The following PKHD1 variants were observed in gnomAD, a reference collection of about 807,000 sequenced individuals.
PKHD1 encodes the protein PKHD1 ciliary IPT domain containing fibrocystin/polyductin, also known as fibrocystin.
Under a neutral mutation model 412.0 loss-of-function variants are expected in PKHD1, and 291 were observed. That is an observed-to-expected ratio of 0.71 (90% CI 0.64 to 0.78). PKHD1 has a LOEUF of 0.78. PKHD1 is among the 30% of genes least tolerant of loss of function. PKHD1 has a pLI of 0.00. For missense variants in PKHD1, 4,825 were observed against 4,950.7 expected (o/e 0.97, Z 0.76); for synonymous variants, 1,777 against 1,821.5 (o/e 0.98, Z 0.62).
chr6:52,028,647 G>A (rs1289154511), intron 29 of PKHD1, among the ~76,000 whole-genome samples: 1 of 151,982 alleles, frequency 6.6e-6, no homozygotes, highest in African/African-American at 2.4e-5. Flanking sequence ...AAGCAGCTGG[G>A]ATTACAGGCA....
At chr6:52,048,462 G>A in intron 23 of PKHD1, 30 bp downstream of exon 23, 3 of 1,611,020 alleles carry the variant, frequency 1.9e-6, no homozygotes, top group African/African-American at 1.3e-5. Flanking sequence ...ATGTGAGTGA[G>A]AATTGTTGCA....
chr6:51,616,687 T>C lies in PKHD1; in HGVS notation c.*2394A>G, dbSNP rs1350102149. The C allele has an allele frequency of 5.0e-6, 2 of 398,346 alleles. No homozygotes were observed. The highest frequency in any genetic ancestry group is 4.1e-5 in the African/African-American group (2 of 48,626). 24.7% of individuals were successfully genotyped at this position (398,346 alleles called of 1,614,324 possible). On this transcript the variant is annotated 3_prime_UTR_variant, in exon 67 of 67. Coordinates refer to ENST00000371117, the MANE Select transcript of PKHD1 (RefSeq NM_138694.4). ...AAAGAGTCAATTCTGGCCTCAGGGA[T>C]CACAGGCTTTTCTGGGATGGAATTA...
intron 63 of PKHD1, among the ~76,000 whole-genome samples, chr6:51,639,522 T>C (rs1769062211): frequency 6.6e-6 from 1 of 152,092 alleles, no homozygotes. Context: ...TAATGACTGA[T>C]AGAGCTACTC....
intron 60 of PKHD1, among the ~76,000 whole-genome samples, chr6:51,661,306 TAGAA>T (rs939918560): frequency 6.6e-6 from 1 of 152,028 alleles, no homozygotes; most frequent in Non-Finnish European, 1.5e-5. Context: ...GATATAGATA[TAGAA>T]AGAATCTCAC....
At chr6:51,982,849 A>AAT (rs1795687980) in intron 35 of PKHD1, among the ~76,000 whole-genome samples, 1 of 134,706 alleles carries the variant, frequency 7.4e-6, no homozygotes, top group Non-Finnish European at 1.6e-5. Flanking sequence ...AAAAAAATAA[A>AAT]AAAATAAAAA....
At position 51,667,124 on chromosome 6, in the gene PKHD1, AC is replaced by A. The variant is rs1436462716; in HGVS notation, c.10157-7156del. Among the ~76,000 whole-genome samples the A allele has an allele frequency of 2.4e-4, 36 of 147,154 alleles. No homozygotes were observed. The Admixed American group carries it at 2.4e-3, about 10-fold the overall frequency. ...AGATCCCTGAGGAATCGCCACACTG[AC>A]TTCCACAATGGTTGAACTAGTTTAC... On this transcript the variant is annotated intron_variant, in intron 60 of 66. Coordinates refer to ENST00000371117, the MANE Select transcript of PKHD1 (RefSeq NM_138694.4).
At chr6:52,053,011 C>A in intron 21 of PKHD1, 65 bp downstream of exon 21, 1 of 1,481,636 alleles carries the variant, frequency 6.7e-7, no homozygotes, top group Non-Finnish European at 9.4e-7. Context: ...AACAGTAACC[C>A]CTAGCAGGAA....
chr6:51,998,700 T>G (rs1273708405), intron 35 of PKHD1, among the ~76,000 whole-genome samples: 1 of 152,172 alleles, frequency 6.6e-6, no homozygotes, highest in East Asian at 1.9e-4. Context: ...CTTTTTTTAA[T>G]GTATATACCC....
intron 60 of PKHD1, chr6:51,721,323 T>C (rs1781898500): frequency 4.1e-6 from 3 of 730,014 alleles, no homozygotes; most frequent in African/African-American, 3.8e-5. Flanking sequence ...TAACCCACTA[T>C]TATTGGTATA....
chr6:51,950,389 G>C (rs1027792580), intron 36 of PKHD1, among the ~76,000 whole-genome samples: 2 of 151,990 alleles, frequency 1.3e-5, no homozygotes, highest in African/African-American at 2.4e-5. Flanking sequence ...GGCCAGCCAA[G>C]TTTCCACTGT....
At chr6:51,682,728 T>G (rs930899450) in intron 60 of PKHD1, among the ~76,000 whole-genome samples, 7 of 151,992 alleles carry the variant, frequency 4.6e-5, no homozygotes, top group African/African-American at 1.7e-4. Context: ...GTGTCAGCTA[T>G]AGAAGGGAAA....
intron 60 of PKHD1, chr6:51,721,354 A>G: frequency 1.9e-6 from 1 of 521,454 alleles, no homozygotes; most frequent in Non-Finnish European, 2.4e-6. Context: ...TATATTATTG[A>G]TAATATACCT....
At position 51,932,740 on chromosome 6, in the gene PKHD1, G is replaced by T. The variant is rs565301460; in HGVS notation, c.6121+1370C>A. On this transcript the variant is annotated intron_variant, in intron 37 of 66. Transcript: ENST00000371117. ...TTGAATTTCTATCCAGTGAGTTATG[G>T]GGTATTTTTAACCTCACAAAATTTG... 6.6e-5 allele frequency among the ~76,000 whole-genome samples: 10 copies of T among 152,258 alleles called. No homozygotes were observed. The East Asian group carries it at 1.7e-3, about 26-fold the overall frequency.
At position 51,747,826 on chromosome 6, in the gene PKHD1, T is replaced by C; in HGVS notation, c.9790A>G (p.Arg3264Gly). The C allele has an allele frequency of 6.2e-7, 1 of 1,613,932 alleles. No homozygotes were observed. Among genetic ancestry groups the C allele is most frequent in the Non-Finnish European group, 8.5e-7 (1 of 1,179,860 alleles). Residue 3264 changes from arginine to glycine, a missense_variant, in exon 58 of 67, where the codon AGG (arginine) becomes GGG (glycine). By Grantham distance (125) the Arg-to-Gly change is moderately radical. Coordinates refer to ENST00000371117, the MANE Select transcript of PKHD1 (RefSeq NM_138694.4). ...QWPQEPWHKVRNDHSISGIMK... is the reference protein window; with the variant it reads ...QWPQEPWHKVGNDHSISGIMK... ...ATTCCTGAAATTGAATGATCATTCCTCACTTTGTGCCATGGCTCCTGAGGC... is the reference window on the plus strand; with the variant it reads ...ATTCCTGAAATTGAATGATCATTCCCCACTTTGTGCCATGGCTCCTGAGGC...
At chr6:51,945,666 A>G (rs1488176272) in intron 36 of PKHD1, among the ~76,000 whole-genome samples, 3 of 152,252 alleles carry the variant, frequency 2.0e-5, no homozygotes, top group Non-Finnish European at 4.4e-5. Flanking sequence ...GCTAACATTT[A>G]TTCAGCACCT....
chr6:52,029,930 G>A (rs961668367), intron 29 of PKHD1, among the ~76,000 whole-genome samples: 1 of 152,216 alleles, frequency 6.6e-6, no homozygotes, highest in East Asian at 1.9e-4. Context: ...GAAAAGATAG[G>A]GGAGGAGAAA....
At chr6:51,631,122 G>A (rs1032695413) in intron 65 of PKHD1, among the ~76,000 whole-genome samples, 1 of 152,126 alleles carries the variant, frequency 6.6e-6, no homozygotes, top group African/African-American at 2.4e-5. Flanking sequence ...AGAGACCCCT[G>A]CATGGCTACT....
At chr6:51,983,033 GGAAA>G (rs888223925) in intron 35 of PKHD1, among the ~76,000 whole-genome samples, 3 of 152,030 alleles carry the variant, frequency 2.0e-5, no homozygotes, top group African/African-American at 7.2e-5. Context: ...GACAAAGGAA[GGAAA>G]CACAGTGAAG....
intron 35 of PKHD1, among the ~76,000 whole-genome samples, chr6:51,977,295 T>TGC (rs373938653): frequency 2.6e-4 from 39 of 152,352 alleles, no homozygotes; most frequent in African/African-American, 8.7e-4. Context: ...TCTGTGTGTG[T>TGC]GCATGTGTGT....
Sources: allele counts gnomAD v4.1 joint callset (sites outside exome capture counted in the v4.1 genomes callset), GRCh38; gene constraint gnomAD v4.1.1; transcripts MANE v1.5; gene names NCBI Gene and HGNC (gene_info 2026-07-23, HGNC 2026-07-21).